Variants in ANKRD17 observed in about 807,000 individuals in gnomAD.
ANKRD17 encodes ankyrin repeat domain-containing protein 17.
In ANKRD17, 19 loss-of-function variants were observed where a neutral mutation model predicts 229.7. The observed-to-expected ratio is 0.08, with a 90% CI of 0.06 to 0.12. The LOEUF is 0.12. Among genes scored for constraint, ANKRD17 ranks in the 10% least tolerant of loss-of-function variants. The probability of loss-of-function intolerance (pLI) is 1.00; values close to 1 mark genes in which losing one functional copy is unlikely to be tolerated. For synonymous variants in ANKRD17, 1,112 were observed against 1,146.1 expected (o/e 0.97, Z 0.60); for missense variants, 2,176 against 3,176.8 (o/e 0.68, Z 7.57).
intron 1 of ANKRD17, among the ~76,000 whole-genome samples, chr4:73,203,946 G>A (rs1230577018): frequency 6.6e-6 from 1 of 151,930 alleles, no homozygotes; most frequent in Non-Finnish European, 1.5e-5. Context: ...CTTAAAAACA[G>A]CCATGGGGGG....
rs1721269949 is a variant in ANKRD17, at chr4:73,078,862, T to C, written c.7188A>G (p.Gly2396=). 1 of 1,614,008 alleles carries C rather than the reference T, an allele frequency of 6.2e-7. No homozygotes were observed. Among genetic ancestry groups the C allele is most frequent in the African/African-American group, 1.3e-5 (1 of 74,890 alleles). ...ATGGGGCAGGAGATGGTGCACGAAC[T>C]CCCGAGGATACTGACTGTGCAGAAG... ...NDSSAQSVSS[G]VRAPSPAPSS... is the part of the protein sequence containing the mutation. Residue 2396 remains glycine (G), a synonymous_variant, in exon 31 of 34, where the codon GGA becomes GGG. Coordinates refer to ENST00000358602, the MANE Select transcript of ANKRD17 (RefSeq NM_032217.5).
intron 1 of ANKRD17, among the ~76,000 whole-genome samples, chr4:73,245,945 TCTTACA>T (rs1744459720): frequency 6.6e-6 from 1 of 152,196 alleles, no homozygotes; most frequent in Non-Finnish European, 1.5e-5. Flanking sequence ...GGCCTAAAAA[TCTTACA>T]CTTGAACTTT....
chr4:73,249,626 G>C (rs1744806020), intron 1 of ANKRD17, among the ~76,000 whole-genome samples: 1 of 152,214 alleles, frequency 6.6e-6, no homozygotes, highest in African/African-American at 2.4e-5. Flanking sequence ...GAAGGCCGAG[G>C]GGGGCGGATC....
intron 29 of ANKRD17, among the ~76,000 whole-genome samples, chr4:73,086,919 A>AAAAAAAATATATATATATATAT (rs1553911000): frequency 1.6e-4 from 2 of 12,466 alleles, no homozygotes; most frequent in African/African-American, 2.6e-4. Context: ...AAAAAAAAAA[A>AAAAAAAATATATATATATATAT]ATATATATAT....
intron 2 of ANKRD17, among the ~76,000 whole-genome samples, chr4:73,163,639 T>C (rs1732831559): frequency 6.6e-6 from 1 of 152,188 alleles, no homozygotes; most frequent in South Asian, 2.1e-4. Context: ...TGTATACTTT[T>C]ACAGTGCACT....
chr4:73,111,839 T>A (rs1205478715), intron 24 of ANKRD17, among the ~76,000 whole-genome samples: 1 of 152,222 alleles, frequency 6.6e-6, no homozygotes, highest in Non-Finnish European at 1.5e-5. Flanking sequence ...ATTCAACAAA[T>A]ATTTATTGAG....
chr4:73,170,544 G>A (rs938431074), intron 2 of ANKRD17, among the ~76,000 whole-genome samples: 1 of 150,774 alleles, frequency 6.6e-6, no homozygotes, highest in African/African-American at 2.4e-5. Context: ...TCGGGGGGCG[G>A]GGGGCTGTTA....
At chr4:73,240,157 CT>C (rs983329194) in intron 1 of ANKRD17, among the ~76,000 whole-genome samples, 1 of 152,032 alleles carries the variant, frequency 6.6e-6, no homozygotes, top group African/African-American at 2.4e-5. Flanking sequence ...CAAAGACAAC[CT>C]AAGGGCATCA....
chr4:73,076,396 T>C lies in ANKRD17; in HGVS notation c.7753-106A>G, dbSNP rs1009134013. 8 of 734,108 alleles carry C rather than the reference T, an allele frequency of 1.1e-5. No individual in the cohort carries two copies. The African/African-American group carries it at 1.5e-4, about 14-fold the overall frequency. The allele number at this position is 734,108 out of a possible 1,614,324, so 45.5% of individuals were successfully genotyped here. ...AGGTACTCTTCAATTTGCAATATAC[T>C]AGGAACTAATGGAAAAAAATGATAA... On this transcript the variant is annotated intron_variant, in intron 33 of 33. Coordinates refer to ENST00000358602, the MANE Select transcript of ANKRD17 (RefSeq NM_032217.5).
chr4:73,220,955 T>C (rs1050715871), intron 1 of ANKRD17, among the ~76,000 whole-genome samples: 1 of 152,140 alleles, frequency 6.6e-6, no homozygotes, highest in Non-Finnish European at 1.5e-5. Flanking sequence ...CATTATGTAA[T>C]AAATATCTGT....
intron 16 of ANKRD17, among the ~76,000 whole-genome samples, chr4:73,133,088 A>C (rs1010008398): frequency 2.0e-5 from 3 of 151,892 alleles, no homozygotes; most frequent in African/African-American, 7.2e-5. Context: ...TCTCTACTAA[A>C]AATACAAAAA....
At chr4:73,183,530 T>G (rs1291310506) in intron 1 of ANKRD17, among the ~76,000 whole-genome samples, 1 of 152,144 alleles carries the variant, frequency 6.6e-6, no homozygotes, top group South Asian at 2.1e-4. Context: ...CTCGGTTCAC[T>G]GCAGCCTCTG....
At chr4:73,082,156 T>TAA (rs11367760) in intron 30 of ANKRD17, among the ~76,000 whole-genome samples, 5 of 129,068 alleles carry the variant, frequency 3.9e-5, no homozygotes, top group African/African-American at 8.7e-5. Flanking sequence ...TCTTTTTATT[T>TAA]AAAAAAAAAA....
intron 30 of ANKRD17, among the ~76,000 whole-genome samples, chr4:73,080,230 T>G (rs1373475319): frequency 6.6e-6 from 1 of 152,080 alleles, no homozygotes; most frequent in African/African-American, 2.4e-5. Flanking sequence ...AGAACTGCAG[T>G]TGAATTCCAA....
intron 1 of ANKRD17, among the ~76,000 whole-genome samples, chr4:73,219,957 T>C (rs1741630755): frequency 6.6e-6 from 1 of 152,122 alleles, no homozygotes; most frequent in African/African-American, 2.4e-5. Flanking sequence ...CAATTATAAA[T>C]AATAACACTA....
At chr4:73,191,264 A>C (rs1737029440) in intron 1 of ANKRD17, among the ~76,000 whole-genome samples, 1 of 151,968 alleles carries the variant, frequency 6.6e-6, no homozygotes, top group Non-Finnish European at 1.5e-5. Flanking sequence ...AGTAGGAAAA[A>C]GACATACTGC....
Position 73,177,404 on chromosome 4 carries a change from G to A in ANKRD17, c.523C>T (p.Leu175=), listed in dbSNP as rs373924369. 4 of 1,611,952 alleles carry A rather than the reference G, an allele frequency of 2.5e-6. No homozygotes were observed. In the African/African-American group the frequency reaches 4.0e-5, roughly 16 times the overall value. ...RTVDPETQAR[L]EALLEAAGIG... ...CCTGCAGCTTCTAGTAAAGCTTCCA[G>A]TCTAGCCTGTGTTTCTGGATCTACT... Residue 175 remains leucine, a synonymous_variant, in exon 2 of 34, where the codon CTG becomes TTG. Transcript: ENST00000358602.
At chr4:73,120,664 GAT>G (rs1726609826) in intron 20 of ANKRD17, among the ~76,000 whole-genome samples, 1 of 151,596 alleles carries the variant, frequency 6.6e-6, no homozygotes. Context: ...TTTTTCAGCT[GAT>G]AATCCTACTG....
intron 1 of ANKRD17, among the ~76,000 whole-genome samples, chr4:73,233,484 G>A (rs1439657656): frequency 6.6e-6 from 1 of 152,082 alleles, no homozygotes; most frequent in Non-Finnish European, 1.5e-5. Context: ...ATTTTATGTT[G>A]TTTAGACATT....
Sources: gnomAD v4.1 joint callset for allele counts (sites outside exome capture counted in the v4.1 genomes callset) on GRCh38, gnomAD v4.1.1 for gene constraint, MANE v1.5 for transcripts, NCBI Gene and HGNC (gene_info 2026-07-23, HGNC 2026-07-21) for gene names.